The following SMIM35 variants were observed in gnomAD, a reference collection of about 807,000 sequenced individuals.
SMIM35 encodes the protein small integral membrane protein 35.
At chr11:118,033,160 T>C (rs1384742346) in intron 1 of SMIM35, among the ~76,000 whole-genome samples, 1 of 152,242 alleles carries the variant, frequency 6.6e-6, no homozygotes, top group East Asian at 1.9e-4. Flanking sequence ...TTTTATTTAA[T>C]TCAGGCTTTT....
intron 1 of SMIM35, among the ~76,000 whole-genome samples, chr11:118,077,821 G>T (rs535289087): frequency 1.7e-4 from 26 of 152,140 alleles, no homozygotes; most frequent in African/African-American, 5.5e-4. Flanking sequence ...AGACCAGCCT[G>T]GCCAGTATGG....
chr11:118,043,914 A>G lies in SMIM35; in HGVS notation c.8-28105T>C, dbSNP rs1944048147. Among the ~76,000 whole-genome samples the G allele has an allele frequency of 2.0e-5, 3 of 151,472 alleles. No individual in the cohort carries two copies. The South Asian group carries it at 6.3e-4, about 32-fold the overall frequency. On this transcript the variant is annotated intron_variant, in intron 1 of 4. Coordinates refer to ENST00000689828, the MANE Select transcript of SMIM35 (RefSeq NM_001394165.1). ...AGGGTATGGGTTTTTTTTTTAGGCG[A>G]TGAAAATGTTCTAAAATTGACTGTA...
At chr11:118,036,132 C>G (rs1424639316) in intron 1 of SMIM35, among the ~76,000 whole-genome samples, 1 of 152,182 alleles carries the variant, frequency 6.6e-6, no homozygotes, top group African/African-American at 2.4e-5. Context: ...AGTGATCCAC[C>G]CGCCTCGGCC....
At chr11:118,084,854 TG>T (rs1305725238) in intron 1 of SMIM35, among the ~76,000 whole-genome samples, 5 of 152,184 alleles carry the variant, frequency 3.3e-5, no homozygotes, top group African/African-American at 1.2e-4. Context: ...CAAGACTTCA[TG>T]GCTGGGAAGA....
chr11:118,022,679 G>A (rs566322539), intron 1 of SMIM35, among the ~76,000 whole-genome samples: 1 of 152,230 alleles, frequency 6.6e-6, no homozygotes, highest in East Asian at 1.9e-4. Context: ...ATGTGCAGAG[G>A]GACCCCCTCA....
intron 1 of SMIM35, among the ~76,000 whole-genome samples, chr11:118,082,836 C>T (rs1248155702): frequency 6.6e-6 from 1 of 152,194 alleles, no homozygotes; most frequent in Non-Finnish European, 1.5e-5. Context: ...AGAGAAATTT[C>T]AGGCTGAGAG....
At chr11:118,042,021 A>G (rs1260870475) in intron 1 of SMIM35, among the ~76,000 whole-genome samples, 2 of 149,546 alleles carry the variant, frequency 1.3e-5, no homozygotes, top group Non-Finnish European at 3.0e-5. Flanking sequence ...ACTGCTCTCC[A>G]GCCTGGGCAA....
At chr11:118,061,034 T>C (rs1944387027) in intron 1 of SMIM35, among the ~76,000 whole-genome samples, 1 of 152,198 alleles carries the variant, frequency 6.6e-6, no homozygotes, top group South Asian at 2.1e-4. Context: ...CAGCAGAGGC[T>C]CCCAGAGGCA....
chr11:118,082,088 A>G (rs1184728149), intron 1 of SMIM35, among the ~76,000 whole-genome samples: 4 of 152,198 alleles, frequency 2.6e-5, no homozygotes, highest in Non-Finnish European at 5.9e-5. Flanking sequence ...ACCTGTCCGG[A>G]CACGTAGGAG....
At chr11:118,010,536 T>G (rs943977566) in intron 4 of SMIM35, among the ~76,000 whole-genome samples, 2 of 152,300 alleles carry the variant, frequency 1.3e-5, no homozygotes, top group African/African-American at 4.8e-5. Context: ...GGAACATAAC[T>G]TTGTTGGCAG....
intron 1 of SMIM35, among the ~76,000 whole-genome samples, chr11:118,021,060 C>CTTTTT (rs1591279274): frequency 1.6e-5 from 2 of 125,510 alleles, no homozygotes; most frequent in African/African-American, 6.1e-5. Context: ...TTTTTTTTTA[C>CTTTTT]TATTTATTAA....
At chr11:118,068,342 G>A (rs1433770134) in intron 1 of SMIM35, among the ~76,000 whole-genome samples, 1 of 151,996 alleles carries the variant, frequency 6.6e-6, no homozygotes, top group Admixed American at 6.6e-5. Flanking sequence ...GAGCCCTCCG[G>A]CTCTGTGTGC....
At chr11:118,041,110 A>G (rs1943993387) in intron 1 of SMIM35, among the ~76,000 whole-genome samples, 2 of 152,170 alleles carry the variant, frequency 1.3e-5, no homozygotes, top group South Asian at 4.1e-4. Flanking sequence ...ATCCTAGAGT[A>G]ACCACTTAAA....
At chr11:118,067,185 A>C (rs184829675) in intron 1 of SMIM35, 1 of 152,336 alleles carries the variant, frequency 6.6e-6, no homozygotes, top group African/African-American at 2.4e-5. Flanking sequence ...CCATTGACAC[A>C]GGGTCCAAGT....
chr11:118,046,695 A>C (rs892566691), intron 1 of SMIM35, among the ~76,000 whole-genome samples: 8 of 152,216 alleles, frequency 5.3e-5, no homozygotes, highest in African/African-American at 1.4e-4. Context: ...CTATCCAAGG[A>C]AACTCTCCAG....
At chr11:118,077,567 C>T (rs1591318965) in intron 1 of SMIM35, among the ~76,000 whole-genome samples, 2 of 152,370 alleles carry the variant, frequency 1.3e-5, no homozygotes, top group South Asian at 4.1e-4. Context: ...TCCTTCCCGA[C>T]TATTCTTTCC....
chr11:118,013,960 G>T, intron 3 of SMIM35, 80 bp from the exon 4 acceptor site: 1 of 397,596 alleles, frequency 2.5e-6, no homozygotes, highest in Non-Finnish European at 4.4e-6. Flanking sequence ...TGACTCCAGG[G>T]CACCAACTCA....
chr11:118,052,667 C>A (rs925589550), intron 1 of SMIM35, among the ~76,000 whole-genome samples: 11 of 152,076 alleles, frequency 7.2e-5, no homozygotes, highest in African/African-American at 2.4e-4. Flanking sequence ...CCCCTTCCTT[C>A]CAGCCACATC....
chr11:118,064,859 G>T (rs752884769), intron 1 of SMIM35, among the ~76,000 whole-genome samples: 12 of 152,244 alleles, frequency 7.9e-5, no homozygotes, highest in Admixed American at 2.6e-4. Context: ...CACCCAAGCT[G>T]GTCTCATATT....
Sources: gnomAD v4.1 joint callset for allele counts (sites outside exome capture counted in the v4.1 genomes callset) on GRCh38, gnomAD v4.1.1 for gene constraint, MANE v1.5 for transcripts, NCBI Gene and HGNC (gene_info 2026-07-23, HGNC 2026-07-21) for gene names.